TSPAN12: variants seen among roughly 807,000 people sequenced by gnomAD.
The protein encoded by TSPAN12 is tetraspanin 12.
In TSPAN12, 19 loss-of-function variants were observed where a neutral mutation model predicts 39.2. That is an observed-to-expected ratio of 0.49 (90% CI 0.34 to 0.71). TSPAN12 has a LOEUF of 0.71. Ranked by LOEUF, TSPAN12 falls within the 30% of genes least tolerant of loss-of-function variation. The pLI, the probability that TSPAN12 is intolerant of heterozygous loss-of-function variation, is 0.01. For missense variants in TSPAN12, 314 were observed against 359.9 expected (o/e 0.87, Z 1.03); for synonymous variants, 119 against 124.8 (o/e 0.95, Z 0.31).
At chr7:120,790,267 T>A (rs1240215573) in intron 7 of TSPAN12, among the ~76,000 whole-genome samples, 1 of 152,198 alleles carries the variant, frequency 6.6e-6, no homozygotes, top group Non-Finnish European at 1.5e-5. Context: ...CGGTATAGTA[T>A]AATGGTTAAG....
intron 5 of TSPAN12, chr7:120,813,882 A>C (rs1292101055): frequency 1.9e-5 from 3 of 158,280 alleles, no homozygotes; most frequent in Non-Finnish European, 4.2e-5. Flanking sequence ...ATGATTTTCA[A>C]AGACAGCAAA....
chr7:120,795,995 G>T (rs892740855), intron 7 of TSPAN12, among the ~76,000 whole-genome samples: 2 of 152,030 alleles, frequency 1.3e-5, no homozygotes, highest in Non-Finnish European at 2.9e-5. Context: ...TTTAACCCTC[G>T]CAATATCCCT....
chr7:120,857,397 G>GGGCGGC (rs907588395), intron 1 of TSPAN12: 1 of 155,444 alleles, frequency 6.4e-6, no homozygotes, highest in East Asian at 2.0e-4. Flanking sequence ...GCGGGGGCGA[G>GGGCGGC]GGGGCAGCGC....
At chr7:120,822,577 A>G (rs1794207869) in intron 4 of TSPAN12, among the ~76,000 whole-genome samples, 1 of 152,154 alleles carries the variant, frequency 6.6e-6, no homozygotes, top group Non-Finnish European at 1.5e-5. Context: ...CAAAAGCTGA[A>G]TGCTAAAGCA....
chr7:120,812,768 C>T (rs1481808029), intron 5 of TSPAN12, among the ~76,000 whole-genome samples: 2 of 151,898 alleles, frequency 1.3e-5, no homozygotes, highest in South Asian at 2.1e-4. Flanking sequence ...ATCTCATAAC[C>T]TTTTGGGCAT....
At chr7:120,799,509 ATTAT>A (rs1305584742) in intron 7 of TSPAN12, among the ~76,000 whole-genome samples, 1 of 123,144 alleles carries the variant, frequency 8.1e-6, no homozygotes, top group Non-Finnish European at 1.6e-5. Context: ...TAATTAATTA[ATTAT>A]ATATAATTAA....
chr7:120,811,619 G>A (rs1379457693), intron 5 of TSPAN12, among the ~76,000 whole-genome samples: 3 of 149,754 alleles, frequency 2.0e-5, no homozygotes, highest in Admixed American at 6.6e-5. Flanking sequence ...GCAGTGAGCC[G>A]AGATCACGCC....
chr7:120,854,788 A>G (rs1794838841), intron 2 of TSPAN12, among the ~76,000 whole-genome samples: 2 of 152,224 alleles, frequency 1.3e-5, no homozygotes, highest in South Asian at 4.1e-4. Context: ...GAAACAAAAT[A>G]AAGAAAAACG....
At chr7:120,807,229 G>C (rs1050814146) in intron 6 of TSPAN12, among the ~76,000 whole-genome samples, 4 of 152,042 alleles carry the variant, frequency 2.6e-5, no homozygotes, top group Non-Finnish European at 4.4e-5. Context: ...ACATAGGTCT[G>C]GCCAACTGGT....
At chr7:120,811,592 C>A (rs1368989080) in intron 5 of TSPAN12, among the ~76,000 whole-genome samples, 1 of 149,080 alleles carries the variant, frequency 6.7e-6, no homozygotes, top group African/African-American at 2.5e-5. Context: ...ATGGTGTGAA[C>A]CCGGAGGGCG....
At chr7:120,856,893 G>A in intron 1 of TSPAN12, 60 bp from the exon 2 acceptor site, 2 of 1,005,182 alleles carry the variant, frequency 2.0e-6, no homozygotes, top group South Asian at 2.7e-5. Flanking sequence ...CCCACAGCCT[G>A]CCCGTCCCTC....
intron 4 of TSPAN12, among the ~76,000 whole-genome samples, chr7:120,831,522 T>C (rs1333209192): frequency 6.6e-6 from 1 of 152,034 alleles, no homozygotes; most frequent in Non-Finnish European, 1.5e-5. Flanking sequence ...GAGGACATTA[T>C]GTTAAGTGAA....
chr7:120,800,431 T>C (rs971963650), intron 7 of TSPAN12, among the ~76,000 whole-genome samples: 3 of 152,180 alleles, frequency 2.0e-5, no homozygotes, highest in African/African-American at 7.2e-5. Flanking sequence ...CCATTCTTCA[T>C]ACTTGATCAT....
chr7:120,812,962 T>A (rs1315148932), intron 5 of TSPAN12, among the ~76,000 whole-genome samples: 2 of 152,346 alleles, frequency 1.3e-5, no homozygotes, highest in Admixed American at 6.5e-5. Flanking sequence ...TCAATTTTTT[T>A]AAACTTTACC....
intron 4 of TSPAN12, among the ~76,000 whole-genome samples, chr7:120,834,388 G>T (rs75876416): frequency 6.6e-6 from 1 of 152,056 alleles, no homozygotes; most frequent in Admixed American, 6.5e-5. Flanking sequence ...CATGACCAAG[G>T]TTTCTCAGAA....
chr7:120,809,462 T>C (rs1793936764), intron 6 of TSPAN12, among the ~76,000 whole-genome samples: 1 of 152,186 alleles, frequency 6.6e-6, no homozygotes, highest in Non-Finnish European at 1.5e-5. Context: ...GTTACAATGA[T>C]AATTTTTACC....
At chr7:120,829,910 G>A (rs2116434446) in intron 4 of TSPAN12, among the ~76,000 whole-genome samples, 1 of 152,162 alleles carries the variant, frequency 6.6e-6, no homozygotes, top group East Asian at 1.9e-4. Flanking sequence ...AAACCCTGAA[G>A]AAAGACAAAG....
chr7:120,831,917 G>A (rs984214439), intron 4 of TSPAN12, among the ~76,000 whole-genome samples: 4 of 151,566 alleles, frequency 2.6e-5, no homozygotes, highest in Non-Finnish European at 4.4e-5. Flanking sequence ...ACATCAAATT[G>A]TACCCCATAA....
intron 7 of TSPAN12, among the ~76,000 whole-genome samples, chr7:120,792,006 T>C (rs984553378): frequency 2.6e-5 from 4 of 152,180 alleles, no homozygotes; most frequent in Admixed American, 1.3e-4. Context: ...CCTCAATTTT[T>C]CTAGAATTCT....
Sources: allele counts gnomAD v4.1 joint callset (sites outside exome capture counted in the v4.1 genomes callset), GRCh38; gene constraint gnomAD v4.1.1; transcripts MANE v1.5; gene names NCBI Gene and HGNC (gene_info 2026-07-23, HGNC 2026-07-21).